The following SLC6A16 variants were observed in gnomAD, a reference collection of about 807,000 sequenced individuals.
SLC6A16 encodes the protein orphan sodium- and chloride-dependent neurotransmitter transporter NTT5.
Under a neutral mutation model 65.4 loss-of-function variants are expected in SLC6A16, and 54 were observed. The observed-to-expected ratio is 0.83, with a 90% CI of 0.66 to 1.04. The LOEUF is 1.04. Ranked by LOEUF, SLC6A16 falls within the 50% of genes least tolerant of loss-of-function variation. SLC6A16 has a pLI of 0.00. For missense variants in SLC6A16, 816 were observed against 914.0 expected (o/e 0.89, Z 1.38); for synonymous variants, 330 against 346.5 (o/e 0.95, Z 0.53).
rs1201480754 is a variant in SLC6A16 at position 49,293,234 on chromosome 19, A to G, written c.1767T>C (p.Tyr589=). The G allele has an allele frequency of 5.0e-6, 8 of 1,614,160 alleles. No homozygotes were observed. In the East Asian group the frequency reaches 1.6e-4, roughly 31 times the overall value. ...GCTTAGGACATCACCTCCTGGCCCC[A>G]TAGGCCCAGGATACAGCCATGGTTT... is the stretch of plus-strand genomic sequence containing the variant. ...VFETMAVSWA[Y]GARRFLADLT... The change falls in exon 10 of 12, where the codon TAT becomes TAC. Residue 589 remains tyrosine (Y), a synonymous_variant. Transcript: ENST00000335875.
At position 49,289,925 on chromosome 19, in the gene SLC6A16, G is replaced by T. The variant is rs1274719109; in HGVS notation, c.*198C>A. The T allele has an allele frequency of 3.3e-6, 2 of 598,346 alleles. No individual in the cohort carries two copies. Among genetic ancestry groups the T allele is most frequent in the African/African-American group, 3.7e-5 (2 of 53,818 alleles). The allele number at this position is 598,346 out of a possible 1,614,324, so 37.1% of individuals were successfully genotyped here. A position where few individuals can be genotyped will look rare whatever the true frequency, so the allele number is the denominator to read the frequency against. ...TGAGGAAGAGGATGGGGAAAACAAT[G>T]ATGGTGGTCACCAGGTAAGATGGGA... On this transcript the variant is annotated 3_prime_UTR_variant, in exon 12 of 12. Coordinates refer to ENST00000335875, the MANE Select transcript of SLC6A16 (RefSeq NM_014037.3).
the SLC6A16 span, among the ~76,000 whole-genome samples, chr19:49,332,881 G>A: frequency 1.3e-5 from 2 of 152,176 alleles, no homozygotes; most frequent in Non-Finnish European, 2.9e-5. Flanking sequence ...AAGCTGAGGG[G>A]CTGGGCGCAG....
rs563763895 is a variant in SLC6A16 at position 49,305,408 on chromosome 19, A to G, written c.1229+3468T>C. Among the ~76,000 whole-genome samples, 254 of 152,186 alleles carry G rather than the reference A, an allele frequency of 1.7e-3. 1 individual carries two copies. Among genetic ancestry groups the G allele is most frequent in the African/African-American group, 5.9e-3 (244 of 41,526 alleles). On this transcript the variant is annotated intron_variant, in intron 7 of 11. Coordinates refer to ENST00000335875, the MANE Select transcript of SLC6A16 (RefSeq NM_014037.3). ...GGAGTTTGAAACCATCCTGGTGAAC[A>G]TGGTGAAACCCCGTCTCTACTAAAA...
chr19:49,337,994 G>C, the SLC6A16 span: 1 of 1,614,006 alleles, frequency 6.2e-7, no homozygotes, highest in Non-Finnish European at 8.5e-7. Context: ...CGAGGAGACC[G>C]CGGCCGAGGA....
chr19:49,307,286 A>C (rs995120310), intron 7 of SLC6A16, among the ~76,000 whole-genome samples: 2 of 151,854 alleles, frequency 1.3e-5, no homozygotes, highest in Admixed American at 1.3e-4. Flanking sequence ...AAACAATTTA[A>C]AAGTCCAACC....
chr19:49,338,521 G>A, the SLC6A16 span, among the ~76,000 whole-genome samples: 1 of 151,754 alleles, frequency 6.6e-6, no homozygotes, highest in African/African-American at 2.4e-5. This position sits in a 1 kb window ranked among gnomAD's most constrained non-coding sequence, Gnocchi z 5.0. Context: ...CCAGCCCCAT[G>A]TTCCCGTAAT....
intron 9 of SLC6A16, 67 bp downstream of exon 9, chr19:49,293,760 A>G: frequency 7.1e-7 from 1 of 1,413,388 alleles, no homozygotes; most frequent in Non-Finnish European, 9.9e-7. Context: ...ACCCTGTCCC[A>G]AAAAAAGAGT....
At chr19:49,337,907 T>TCA in the SLC6A16 span, 4 of 1,613,834 alleles carry the variant, frequency 2.5e-6, no homozygotes, top group Non-Finnish European at 3.4e-6. Context: ...AGGCCCAGCC[T>TCA]CACTGGTGGC....
chr19:49,308,701 A>G lies in SLC6A16; in HGVS notation c.1229+175T>C. On this transcript the variant is annotated intron_variant, in intron 7 of 11. Transcript: ENST00000335875. ...GACAAAAGGCTCTGAGAAGGATAATATATGATAGGAGATTCTATTGTCTCC... is the reference window on the plus strand; with the variant it reads ...GACAAAAGGCTCTGAGAAGGATAATGTATGATAGGAGATTCTATTGTCTCC... 5 of 720,800 alleles carry G rather than the reference A, an allele frequency of 6.9e-6. No individual in the cohort carries two copies. The South Asian group carries it at 8.8e-5, about 13-fold the overall frequency. The allele number at this position is 720,800 out of a possible 1,614,324, so 44.7% of individuals were successfully genotyped here.
Position 49,290,657 on chromosome 19 carries a change from A to G in SLC6A16, c.1889T>C (p.Met630Thr). 7 of 1,614,136 alleles carry G rather than the reference A, an allele frequency of 4.3e-6. No individual in the cohort carries two copies. Among genetic ancestry groups the G allele is most frequent in the Non-Finnish European group, 5.9e-6 (7 of 1,180,010 alleles). ...GATCGGCTTCATACAAAGATGAACCATCATGGTCACAAAGATGATTAGCAG... is the reference window on the plus strand; with the variant it reads ...GATCGGCTTCATACAAAGATGAACCGTCATGGTCACAAAGATGATTAGCAG... ...VVLLIIFVTM[M>T]VHLCMKPITY... The change falls in exon 11 of 12, where the codon ATG (methionine) becomes ACG (threonine). Residue 630 changes from methionine (M) to threonine (T), a missense_variant. Transcript: ENST00000335875.
chr19:49,312,444 T>C, intron 1 of SLC6A16: 1 of 496,070 alleles, frequency 2.0e-6, no homozygotes. Context: ...TATTATCTAT[T>C]GATTGTTAAT....
At chr19:49,302,980 T>C (rs891747205) in intron 7 of SLC6A16, among the ~76,000 whole-genome samples, 1 of 152,076 alleles carries the variant, frequency 6.6e-6, no homozygotes, top group Non-Finnish European at 1.5e-5. Context: ...AAGTCTACAA[T>C]ATCTATGGGA....
intron 1 of SLC6A16, among the ~76,000 whole-genome samples, chr19:49,313,720 G>A (rs906339013): frequency 8.6e-5 from 13 of 151,662 alleles, no homozygotes; most frequent in Non-Finnish European, 1.6e-4. Flanking sequence ...CACTTGAATC[G>A]GGAGGCAGAG....
At chr19:49,312,440 CTAT>C (rs1450076930) in intron 1 of SLC6A16, 3 of 468,248 alleles carry the variant, frequency 6.4e-6, no homozygotes, top group African/African-American at 4.3e-5. Flanking sequence ...ACTTTATTAT[CTAT>C]TGATTGTTAA....
chr19:49,322,672 A>G (rs1214694635), intron 1 of SLC6A16, among the ~76,000 whole-genome samples: 1 of 151,654 alleles, frequency 6.6e-6, no homozygotes, highest in African/African-American at 2.4e-5. Flanking sequence ...AGAAGGTGAA[A>G]GACATGTACA....
chr19:49,332,400 C>T, the SLC6A16 span: 2 of 394,578 alleles, frequency 5.1e-6, no homozygotes, highest in South Asian at 1.8e-5. Flanking sequence ...ACTAAAAATA[C>T]TAAAATCAGC....
At chr19:49,331,672 C>T in the SLC6A16 span, 17 of 435,004 alleles carry the variant, frequency 3.9e-5, no homozygotes, top group East Asian at 6.4e-4. Flanking sequence ...TTCCTGCAGC[C>T]AGTGAGTGAA....
upstream of SLC6A16, among the ~76,000 whole-genome samples, chr19:49,326,158 A>G (rs529851076): frequency 6.6e-6 from 1 of 151,910 alleles, no homozygotes; most frequent in African/African-American, 2.4e-5. Context: ...CAACAGAGCA[A>G]GACTCCGTCT....
At chr19:49,296,093 G>T (rs1294375758) in intron 7 of SLC6A16, among the ~76,000 whole-genome samples, 4 of 152,078 alleles carry the variant, frequency 2.6e-5, no homozygotes, top group Non-Finnish European at 4.4e-5. Context: ...AGGTTCGAGC[G>T]ATTCTCCTGC....
Sources: allele counts gnomAD v4.1 joint callset (sites outside exome capture counted in the v4.1 genomes callset), GRCh38; gene constraint gnomAD v4.1.1; non-coding constraint Gnocchi (gnomAD v3.1); transcripts MANE v1.5; gene names NCBI Gene and HGNC (gene_info 2026-07-23, HGNC 2026-07-21).